WDR12: variants seen among roughly 807,000 people sequenced by gnomAD.
The protein encoded by WDR12 is ribosome biogenesis protein WDR12.
A neutral mutation model predicts 64.3 loss-of-function variants in WDR12; 42 were observed. That is an observed-to-expected ratio of 0.65 (90% CI 0.51 to 0.84). The LOEUF (loss-of-function observed/expected upper bound fraction) is 0.84, where lower values mean the gene tolerates loss of function less well. Among genes scored for constraint, WDR12 ranks in the 40% least tolerant of loss-of-function variants. The probability of loss-of-function intolerance (pLI) is 0.00; values close to 1 mark genes in which losing one functional copy is unlikely to be tolerated. For synonymous variants in WDR12, 158 were observed against 173.3 expected (o/e 0.91, Z 0.70); for missense variants, 469 against 494.6 (o/e 0.95, Z 0.49).
intron 3 of WDR12, among the ~76,000 whole-genome samples, chr2:202,899,996 C>T (rs191574643): frequency 2.0e-5 from 3 of 152,086 alleles, no homozygotes; most frequent in African/African-American, 7.2e-5. Flanking sequence ...TATTAATCGC[C>T]TTGTACAACT....
intron 5 of WDR12, among the ~76,000 whole-genome samples, chr2:202,896,880 G>C (rs1002049350): frequency 6.6e-6 from 1 of 150,926 alleles, no homozygotes; most frequent in African/African-American, 2.4e-5. Context: ...CCAGCTACTC[G>C]AGAGGCTGAG....
Position 202,876,523 on chromosome 2 carries a change from C to T in WDR12, c.*4337G>A, listed in dbSNP as rs564534555. On this transcript the variant is annotated 3_prime_UTR_variant, in exon 13 of 13. Coordinates refer to ENST00000261015, the MANE Select transcript of WDR12 (RefSeq NM_018256.4). Reference sequence around the variant, plus strand: ...CTGGATTTCACTTGCCTAATGAAATCTGATTCTAATTAGTGGCTTTTTAAA... The same window carrying T: ...CTGGATTTCACTTGCCTAATGAAATTTGATTCTAATTAGTGGCTTTTTAAA... 18 of 152,266 alleles carry T rather than the reference C, an allele frequency of 1.2e-4. No individual in the cohort carries two copies. The South Asian group carries it at 3.5e-3, about 30-fold the overall frequency. The allele number at this position is 152,266 out of a possible 1,614,324, so 9.4% of individuals were successfully genotyped here.
rs1442711327 is a variant in WDR12 at position 202,892,656 on chromosome 2, TGGTC to T, written c.698_701del (p.Arg233GlnfsTer12). 6.2e-7 allele frequency: 1 copy of T among 1,613,464 alleles called. No homozygotes were observed. Among genetic ancestry groups the T allele is most frequent in the Non-Finnish European group, 8.5e-7 (1 of 1,179,616 alleles). ...ACTGTTCTGTCTTCTGTTTCTTTCT[TGGTC>T]GATTTGTGGACTCCTCCATTTCATC... On this transcript the variant is annotated frameshift_variant, in exon 8 of 13. Transcript: ENST00000261015. LOFTEE classifies it high-confidence loss of function.
intron 6 of WDR12, among the ~76,000 whole-genome samples, chr2:202,895,547 G>T (rs886175946): frequency 3.1e-5 from 4 of 129,576 alleles, no homozygotes; most frequent in Admixed American, 8.5e-5. Flanking sequence ...TTGAGACTGA[G>T]TTTCACTCTT....
rs1378584559 is a variant in WDR12 at position 202,875,766 on chromosome 2, A to G, written c.*5094T>C. 6.6e-6 allele frequency: 1 copy of G among 152,206 alleles called. No individual in the cohort carries two copies. The highest frequency in any genetic ancestry group is 2.4e-5 in the African/African-American group (1 of 41,458). 9.4% of individuals were successfully genotyped at this position (152,206 alleles called of 1,614,324 possible). ...ATTTATAAAAACATCATTCTTGTGC[A>G]CGACATAAGATTGACAAAATATATA... On this transcript the variant is annotated 3_prime_UTR_variant, in exon 13 of 13. Coordinates refer to ENST00000261015, the MANE Select transcript of WDR12 (RefSeq NM_018256.4).
chr2:202,898,804 T>C (rs993850790), intron 4 of WDR12, among the ~76,000 whole-genome samples: 1 of 152,080 alleles, frequency 6.6e-6, no homozygotes, highest in Non-Finnish European at 1.5e-5. Context: ...ATAAATTAAA[T>C]GCTCTAAGAT....
intron 9 of WDR12, 43 bp downstream of exon 9, chr2:202,884,352 C>G (rs1165211465): frequency 1.2e-6 from 2 of 1,613,358 alleles, no homozygotes; most frequent in East Asian, 2.2e-5. Context: ...TAAAAACCAT[C>G]TCTAGAAGTT....
At chr2:202,890,632 A>G (rs773856018) in intron 8 of WDR12, among the ~76,000 whole-genome samples, 145 of 151,974 alleles carry the variant, frequency 9.5e-4, no homozygotes, top group South Asian at 6.2e-4. Context: ...TTAGCCAGGC[A>G]TGGTGGCGGG....
chr2:202,885,748 T>C (rs139797274), intron 8 of WDR12, among the ~76,000 whole-genome samples: 1 of 152,210 alleles, frequency 6.6e-6, no homozygotes, highest in East Asian at 1.9e-4. Flanking sequence ...CTACCTTAAA[T>C]ATAAGGAGTA....
chr2:202,891,975 T>C (rs1688164170), intron 8 of WDR12, among the ~76,000 whole-genome samples: 1 of 152,216 alleles, frequency 6.6e-6, no homozygotes, highest in Non-Finnish European at 1.5e-5. Context: ...GAACAAGTTC[T>C]GGGGATCTAA....
intron 4 of WDR12, among the ~76,000 whole-genome samples, chr2:202,898,392 C>A (rs1688290710): frequency 6.6e-6 from 1 of 152,222 alleles, no homozygotes; most frequent in Non-Finnish European, 1.5e-5. Context: ...CTCAAGTGAT[C>A]CACCTGCCTT....
chr2:202,897,308 AC>A lies in WDR12; in HGVS notation c.445del (p.Val149Ter). On this transcript the variant is annotated frameshift_variant, in exon 5 of 13. Transcript: ENST00000261015. LOFTEE classifies it high-confidence loss of function. Reference protein sequence around the residue: ...HTDVVKDVAWVKKDSLSCLLL... With the variant: ...HTDVVKDVAWXKKDSLSCLLL... ...AGGCAAACTGTCCTAACCTTTTTTC[AC>A]CCAGGCCACATCTTTTACAACATCC... 6.3e-7 allele frequency: 1 copy of A among 1,595,378 alleles called. No individual in the cohort carries two copies. Among genetic ancestry groups the A allele is most frequent in the African/African-American group, 1.4e-5 (1 of 73,514 alleles).
chr2:202,876,658 C>G lies in WDR12; in HGVS notation c.*4202G>C, dbSNP rs995292219. The G allele has an allele frequency of 1.3e-5, 2 of 152,126 alleles. No homozygotes were observed. Among genetic ancestry groups the G allele is most frequent in the African/African-American group, 4.8e-5 (2 of 41,420 alleles). The allele number at this position is 152,126 out of a possible 1,614,324, so 9.4% of individuals were successfully genotyped here. On this transcript the variant is annotated 3_prime_UTR_variant, in exon 13 of 13. Transcript: ENST00000261015. ...TCTATTAAAAAATCTGTATTTTTGG[C>G]CAGGCACAGTGGCATGCCTATAATC...
intron 2 of WDR12, among the ~76,000 whole-genome samples, chr2:202,902,210 T>C (rs1035691319): frequency 6.6e-6 from 1 of 152,174 alleles, no homozygotes; most frequent in Non-Finnish European, 1.5e-5. Context: ...CAGGAATAAT[T>C]CTTTCCTCAA....
At chr2:202,897,192 A>T in intron 5 of WDR12, 108 bp downstream of exon 5, 1 of 652,960 alleles carries the variant, frequency 1.5e-6, no homozygotes, top group Non-Finnish European at 2.7e-6. Context: ...ATAATAACTG[A>T]GGTATGAGAT....
At chr2:202,898,846 G>T (rs1034205753) in intron 4 of WDR12, among the ~76,000 whole-genome samples, 1 of 151,504 alleles carries the variant, frequency 6.6e-6, no homozygotes, top group African/African-American at 2.4e-5. Flanking sequence ...AATATTGCTG[G>T]GTGTAGAGAA....
In WDR12 at chr2:202,874,913, T is replaced by C. The variant is rs1477091917; in HGVS notation, c.*5947A>G. 1 of 152,224 alleles carries C rather than the reference T, an allele frequency of 6.6e-6. No individual in the cohort carries two copies. Among genetic ancestry groups the C allele is most frequent in the South Asian group, 2.1e-4 (1 of 4,832 alleles). The allele number at this position is 152,224 out of a possible 1,614,324, so 9.4% of individuals were successfully genotyped here. A position where few individuals can be genotyped will look rare whatever the true frequency, so the allele number is the denominator to read the frequency against. On this transcript the variant is annotated 3_prime_UTR_variant, in exon 13 of 13. Coordinates refer to ENST00000261015, the MANE Select transcript of WDR12 (RefSeq NM_018256.4). ...GTTATCGACATCGTTTTAAAAATTA[T>C]TTCCTCCCCCTGAAACCACTGAACT...
chr2:202,882,391 C>G (rs759487177), intron 12 of WDR12, among the ~76,000 whole-genome samples: 3 of 151,748 alleles, frequency 2.0e-5, no homozygotes, highest in Admixed American at 6.6e-5. Context: ...TGCAGTGGCT[C>G]GATCTCAGCT....
chr2:202,908,970 G>A (rs904462540), intron 1 of WDR12, among the ~76,000 whole-genome samples: 35 of 152,274 alleles, frequency 2.3e-4, no homozygotes, highest in African/African-American at 8.4e-4. Flanking sequence ...TCCAGGTAAT[G>A]TTAATCAAAC....
Sources: allele counts gnomAD v4.1 joint callset (sites outside exome capture counted in the v4.1 genomes callset), GRCh38; gene constraint gnomAD v4.1.1; transcripts MANE v1.5; gene names NCBI Gene and HGNC (gene_info 2026-07-23, HGNC 2026-07-21).